The following PAIP2 variants were observed in gnomAD, a reference collection of about 807,000 sequenced individuals.
PAIP2 encodes polyadenylate-binding protein-interacting protein 2.
PAIP2 carries 7 observed loss-of-function variants against 14.8 expected under a neutral mutation model. The ratio of observed to expected loss-of-function variants is 0.47; its 90% CI spans 0.27 to 0.89. PAIP2 has a LOEUF of 0.89. Among genes scored for constraint, PAIP2 ranks in the 40% least tolerant of loss-of-function variants. The pLI is 0.13. For missense variants in PAIP2, 122 were observed against 154.7 expected (o/e 0.79, Z 1.12); for synonymous variants, 47 against 45.3 (o/e 1.04, Z -0.15).
Position 139,368,851 on chromosome 5 carries a change from C to A in PAIP2, c.*53C>A. 7.7e-7 allele frequency: 1 copy of A among 1,295,008 alleles called. No homozygotes were observed. The highest frequency in any genetic ancestry group is 1.1e-6 in the Non-Finnish European group (1 of 892,592). The allele number at this position is 1,295,008 out of a possible 1,614,324, so 80.2% of individuals were successfully genotyped here. ...TAGCACAATTTCCACACTGTGAAGG[C>A]AGTATTAGAAGACTTAATTGTAAAA... On this transcript the variant is annotated 3_prime_UTR_variant, in exon 4 of 4. Transcript: ENST00000265192.
chr5:139,352,894 TC>T (rs971988303), intron 1 of PAIP2, among the ~76,000 whole-genome samples: 1 of 150,786 alleles, frequency 6.6e-6, no homozygotes, highest in African/African-American at 2.4e-5. Context: ...AGTGGGCAGA[TC>T]ACCTGAAGTT....
intron 1 of PAIP2, among the ~76,000 whole-genome samples, chr5:139,351,031 TATA>T (rs1200846443): frequency 2.6e-5 from 4 of 151,954 alleles, no homozygotes; most frequent in Admixed American, 2.6e-4. Context: ...ATACAGGAAA[TATA>T]ATCTCAATGT....
intron 1 of PAIP2, among the ~76,000 whole-genome samples, chr5:139,361,296 A>G (rs914740342): frequency 1.3e-5 from 2 of 152,058 alleles, no homozygotes; most frequent in Admixed American, 6.6e-5. Context: ...GGCAACACAC[A>G]TAGGGTTCAT....
intron 1 of PAIP2, among the ~76,000 whole-genome samples, chr5:139,356,565 T>A (rs961539964): frequency 1.2e-4 from 18 of 151,852 alleles, no homozygotes; most frequent in Non-Finnish European, 1.0e-4. Context: ...TTTCTTTGCA[T>A]GCCTCATAAT....
In PAIP2 at chr5:139,369,641, G is replaced by A. The variant is rs1757529280; in HGVS notation, c.*843G>A. ...CTGCCATACGTGTTCAGTGTGAATA[G>A]TGTTTAAGTTGAAAATATTGTAAAA... On this transcript the variant is annotated 3_prime_UTR_variant, in exon 4 of 4. Transcript: ENST00000265192. 1 of 152,518 alleles carries A rather than the reference G, an allele frequency of 6.6e-6. No individual in the cohort carries two copies. The highest frequency in any genetic ancestry group is 2.4e-5 in the African/African-American group (1 of 41,404). The allele number at this position is 152,518 out of a possible 1,614,324, so 9.4% of individuals were successfully genotyped here. A position where few individuals can be genotyped will look rare whatever the true frequency, so the allele number is the denominator to read the frequency against.
intron 1 of PAIP2, among the ~76,000 whole-genome samples, chr5:139,361,613 G>A (rs1390034058): frequency 1.3e-5 from 2 of 152,126 alleles, no homozygotes; most frequent in Non-Finnish European, 2.9e-5. Context: ...AGTAGTATAA[G>A]ACATCAGGCT....
At chr5:139,344,388 A>G (rs564390021) in intron 1 of PAIP2, among the ~76,000 whole-genome samples, 1 of 152,348 alleles carries the variant, frequency 6.6e-6, no homozygotes, top group South Asian at 2.1e-4. Context: ...TTTGTGATCT[A>G]GACCACCTGT....
chr5:139,342,056 G>C lies in PAIP2; in HGVS notation c.-27+76G>C, dbSNP rs1039535638. ...ACAGCAAGTCGGCGACGGCAGAGGG[G>C]CCTAAAGGGTTCCCTGGGTGGTTGG... On this transcript the variant is annotated intron_variant, in intron 1 of 3. Coordinates refer to ENST00000265192, the MANE Select transcript of PAIP2 (RefSeq NM_016480.5). 3 of 152,806 alleles carry C rather than the reference G, an allele frequency of 2.0e-5. No individual in the cohort carries two copies. The Admixed American group carries it at 2.0e-4, about 10-fold the overall frequency. The allele number at this position is 152,806 out of a possible 1,614,324, so 9.5% of individuals were successfully genotyped here.
At position 139,364,721 on chromosome 5, in the gene PAIP2, G is replaced by A. The variant is rs1757164593; in HGVS notation, c.296G>A (p.Gly99Asp). ...TTTAATGACCTTGTTATCAGTGATGGCTCTTCTCTGGAAGATCTTGTGGTA... is the reference window on the plus strand; with the variant it reads ...TTTAATGACCTTGTTATCAGTGATGACTCTTCTCTGGAAGATCTTGTGGTA... ...DQFNDLVISDGSSLEDLVVKS... is the reference protein window; with the variant it reads ...DQFNDLVISDDSSLEDLVVKS... Residue 99 changes from glycine to aspartate, a missense_variant, in exon 3 of 4, where the codon GGC (glycine) becomes GAC (aspartate). Around this residue, in one of 3 missense-constraint regions of PAIP2, gnomAD observed 46 missense variants for 44.0 expected, o/e 1.05. Transcript: ENST00000265192. The A allele has an allele frequency of 6.2e-7, 1 of 1,605,454 alleles. No individual in the cohort carries two copies. The highest frequency in any genetic ancestry group is 1.3e-5 in the African/African-American group (1 of 74,760).
At chr5:139,362,357 A>G (rs1478425358) in intron 1 of PAIP2, among the ~76,000 whole-genome samples, 1 of 141,388 alleles carries the variant, frequency 7.1e-6, no homozygotes, top group Non-Finnish European at 1.5e-5. Flanking sequence ...AGTAGCTGGG[A>G]TTACAGGCAT....
At chr5:139,346,374 T>TG (rs1756549269) in intron 1 of PAIP2, among the ~76,000 whole-genome samples, 1 of 152,058 alleles carries the variant, frequency 6.6e-6, no homozygotes, top group Admixed American at 6.6e-5. Context: ...CCCCAGTAGC[T>TG]GGGACTACAA....
rs1255048009 is a variant in PAIP2, at chr5:139,369,658, A to G, written c.*860A>G. 2 of 152,642 alleles carry G rather than the reference A, an allele frequency of 1.3e-5. No individual in the cohort carries two copies. Among genetic ancestry groups the G allele is most frequent in the Admixed American group, 6.5e-5 (1 of 15,268 alleles). The allele number at this position is 152,642 out of a possible 1,614,324, so 9.5% of individuals were successfully genotyped here. The stretch of plus-strand genomic sequence containing the variant: ...TGTGAATAGTGTTTAAGTTGAAAAT[A>G]TTGTAAAAAAATTATATTTTTTCAA... On this transcript the variant is annotated 3_prime_UTR_variant, in exon 4 of 4. Transcript: ENST00000265192.
At position 139,369,066 on chromosome 5, in the gene PAIP2, A is replaced by T. The variant is rs1348254088; in HGVS notation, c.*268A>T. 1 of 330,948 alleles carries T rather than the reference A, an allele frequency of 3.0e-6. No homozygotes were observed. Among genetic ancestry groups the T allele is most frequent in the East Asian group, 5.4e-5 (1 of 18,504 alleles). 20.5% of individuals were successfully genotyped at this position (330,948 alleles called of 1,614,324 possible). On this transcript the variant is annotated 3_prime_UTR_variant, in exon 4 of 4. Transcript: ENST00000265192. ...CAGTCAAGTTGTGAACAAGCACCAA[A>T]TTAAAAGACCTAAACCTTACCAAAT...
chr5:139,353,062 G>A (rs1756796972), intron 1 of PAIP2, among the ~76,000 whole-genome samples: 1 of 151,112 alleles, frequency 6.6e-6, no homozygotes, highest in South Asian at 2.1e-4. Context: ...AGGTTGTGGT[G>A]AGCCATTGCA....
rs1020058506 is a variant in PAIP2, at chr5:139,363,664, T to C, written c.-26-95T>C. 38 of 1,088,662 alleles carry C rather than the reference T, an allele frequency of 3.5e-5. No individual in the cohort carries two copies. In the East Asian group the frequency reaches 9.5e-4, roughly 27 times the overall value. 67.4% of individuals were successfully genotyped at this position (1,088,662 alleles called of 1,614,324 possible). On this transcript the variant is annotated intron_variant, in intron 1 of 3. Coordinates refer to ENST00000265192, the MANE Select transcript of PAIP2 (RefSeq NM_016480.5). ...GCTGTGGTGAGCCATGATCACACCA[T>C]TGCACTCCAGCCTGGATGACGGAGT... is the stretch of plus-strand genomic sequence containing the variant.
At chr5:139,355,876 C>A (rs1194226528) in intron 1 of PAIP2, among the ~76,000 whole-genome samples, 1 of 150,998 alleles carries the variant, frequency 6.6e-6, no homozygotes, top group Admixed American at 6.6e-5. Context: ...ATAGGCTGGG[C>A]GTGGTGGCTC....
Position 139,368,769 on chromosome 5 carries a change from G to T in PAIP2, c.355G>T (p.Val119Phe). Residue 119 changes from valine to phenylalanine, a missense_variant, in exon 4 of 4, where the codon GTT becomes TTT. Transcript: ENST00000265192. ...TCTGAATCCAAATGCAAAGGAGTTT[G>T]TTCCTGGGGTGAAGTACGGAAATAT... is the stretch of plus-strand genomic sequence containing the variant. ...SNLNPNAKEFVPGVKYGNI is the reference protein window; with the variant it reads ...SNLNPNAKEFFPGVKYGNI 1 of 1,613,552 alleles carries T rather than the reference G, an allele frequency of 6.2e-7. No individual in the cohort carries two copies. The highest frequency in any genetic ancestry group is 8.5e-7 in the Non-Finnish European group (1 of 1,179,630).
chr5:139,346,932 C>T (rs1021051248), intron 1 of PAIP2, among the ~76,000 whole-genome samples: 2 of 152,194 alleles, frequency 1.3e-5, no homozygotes, highest in Non-Finnish European at 2.9e-5. Flanking sequence ...GCCTCAGGCT[C>T]CCGAGTAGCT....
At chr5:139,348,637 G>A (rs548586384) in intron 1 of PAIP2, among the ~76,000 whole-genome samples, 5 of 151,540 alleles carry the variant, frequency 3.3e-5, no homozygotes, top group East Asian at 3.9e-4. Flanking sequence ...GATTACAGGC[G>A]TGAGCCACTG....
Sources: allele counts gnomAD v4.1 joint callset (sites outside exome capture counted in the v4.1 genomes callset), GRCh38; gene constraint gnomAD v4.1.1; regional missense constraint gnomAD v4.1.1; transcripts MANE v1.5; gene names NCBI Gene and HGNC (gene_info 2026-07-23, HGNC 2026-07-21).